Variants in CAMSAP2 observed in about 807,000 individuals in gnomAD.
The protein encoded by CAMSAP2 is calmodulin regulated spectrin associated protein family member 2, also known as calmodulin-regulated spectrin-associated protein 2.
Under a neutral mutation model 146.1 loss-of-function variants are expected in CAMSAP2, and 26 were observed. The ratio of observed to expected loss-of-function variants is 0.18; its 90% CI spans 0.13 to 0.25. CAMSAP2 has a LOEUF of 0.25. Ranked by LOEUF, CAMSAP2 falls within the 10% of genes least tolerant of loss-of-function variation. The probability of loss-of-function intolerance (pLI) is 1.00; values close to 1 mark genes in which losing one functional copy is unlikely to be tolerated. For synonymous variants in CAMSAP2, 499 were observed against 596.6 expected (o/e 0.84, Z 2.38); for missense variants, 1,381 against 1,759.3 (o/e 0.78, Z 3.85).
At chr1:200,822,315 C>CT (rs1666795810) in intron 4 of CAMSAP2, among the ~76,000 whole-genome samples, 1 of 152,092 alleles carries the variant, frequency 6.6e-6, no homozygotes, top group African/African-American at 2.4e-5. Flanking sequence ...CAGTATAATA[C>CT]TGTATCATTT....
At chr1:200,840,438 T>C (rs1469400151) in intron 6 of CAMSAP2, among the ~76,000 whole-genome samples, 1 of 152,064 alleles carries the variant, frequency 6.6e-6, no homozygotes, top group African/African-American at 2.4e-5. Flanking sequence ...CATAGCTAAT[T>C]TTTAAAATTT....
chr1:200,844,074 T>C (rs1667397235), intron 7 of CAMSAP2, among the ~76,000 whole-genome samples: 1 of 151,890 alleles, frequency 6.6e-6, no homozygotes, highest in African/African-American at 2.4e-5. Flanking sequence ...GGTTTCACCA[T>C]GTTAGCCAGG....
chr1:200,834,304 A>G (rs1355529480), intron 6 of CAMSAP2, among the ~76,000 whole-genome samples: 1 of 152,098 alleles, frequency 6.6e-6, no homozygotes, highest in Non-Finnish European at 1.5e-5. Context: ...CAGAGGTTGC[A>G]GTGAGCTGAG....
intron 1 of CAMSAP2, among the ~76,000 whole-genome samples, chr1:200,747,621 G>C (rs1664371487): frequency 6.6e-6 from 1 of 152,180 alleles, no homozygotes; most frequent in Non-Finnish European, 1.5e-5. Context: ...GTTTTGATTT[G>C]ATCAGGGCTG....
At chr1:200,793,840 C>T (rs1665816057) in intron 2 of CAMSAP2, among the ~76,000 whole-genome samples, 1 of 152,120 alleles carries the variant, frequency 6.6e-6, no homozygotes, top group African/African-American at 2.4e-5. Flanking sequence ...CTTATAACCA[C>T]CTGATGACGT....
intron 1 of CAMSAP2, among the ~76,000 whole-genome samples, chr1:200,740,384 A>G (rs1165251442): frequency 6.6e-6 from 1 of 151,828 alleles, no homozygotes; most frequent in East Asian, 1.9e-4. Context: ...GCATAGTACT[A>G]TATTGATTTT....
intron 1 of CAMSAP2, among the ~76,000 whole-genome samples, chr1:200,747,981 C>T (rs1192882830): frequency 1.5e-5 from 2 of 130,218 alleles, no homozygotes; most frequent in South Asian, 5.2e-4. Flanking sequence ...AGCGAGACTC[C>T]GTCTCAAAAA....
At chr1:200,790,957 G>T (rs889832249) in intron 2 of CAMSAP2, among the ~76,000 whole-genome samples, 1 of 152,040 alleles carries the variant, frequency 6.6e-6, no homozygotes, top group Non-Finnish European at 1.5e-5. Flanking sequence ...TGATTCTCCA[G>T]CCTCAGCCTC....
At chr1:200,752,698 A>G (rs1310852822) in intron 1 of CAMSAP2, among the ~76,000 whole-genome samples, 1 of 151,488 alleles carries the variant, frequency 6.6e-6, no homozygotes, top group Non-Finnish European at 1.5e-5. Context: ...GCTCACTGCA[A>G]GCTCCACCTC....
In CAMSAP2 at chr1:200,816,605, A is replaced by AATAT. The variant is rs1185236373; in HGVS notation, c.645+978_645+981dup. ...GCAAAACTTCATCTCAAAAAAAAAAAATATATATATATATATATATGTATA... is the reference window on the plus strand; with the variant it reads ...GCAAAACTTCATCTCAAAAAAAAAAAATATATATATATATATATATATATGTATA... On this transcript the variant is annotated intron_variant, in intron 4 of 16. Transcript: ENST00000358823. Among the ~76,000 whole-genome samples, 141 of 111,216 alleles carry AATAT rather than the reference A, an allele frequency of 1.3e-3. 1 individual carries two copies. The highest frequency in any genetic ancestry group is 0.011 in the East Asian group (42 of 3,952). 73.0% of individuals were successfully genotyped at this position (111,216 alleles called of 152,430 possible). A position where few individuals can be genotyped will look rare whatever the true frequency, so the allele number is the denominator to read the frequency against.
At position 200,742,511 on chromosome 1, in the gene CAMSAP2, T is replaced by G. The variant is rs1664209743; in HGVS notation, c.139+2545T>G. Among the ~76,000 whole-genome samples the G allele has an allele frequency of 3.3e-5, 5 of 152,250 alleles. No individual in the cohort carries two copies. The South Asian group carries it at 1.0e-3, about 32-fold the overall frequency. On this transcript the variant is annotated intron_variant, in intron 1 of 16. Coordinates refer to ENST00000358823, the MANE Select transcript of CAMSAP2 (RefSeq NM_203459.4). The stretch of plus-strand genomic sequence containing the variant: ...TCTTTCAAAACAAATTTATATGGAG[T>G]GAATAGAAAAAAATTAGGAATTTTT...
chr1:200,810,547 G>A (rs1666301643), intron 3 of CAMSAP2, among the ~76,000 whole-genome samples: 1 of 150,108 alleles, frequency 6.7e-6, no homozygotes, highest in African/African-American at 2.5e-5. Context: ...CGGCACTCCA[G>A]CCTGGGTGAC....
At chr1:200,827,324 A>G (rs1296806876) in intron 4 of CAMSAP2, among the ~76,000 whole-genome samples, 1 of 152,240 alleles carries the variant, frequency 6.6e-6, no homozygotes, top group East Asian at 1.9e-4. Context: ...ATAGTCCACA[A>G]TAATTTCTTG....
At chr1:200,847,393 G>T (rs2172666) in intron 9 of CAMSAP2, 101 bp downstream of exon 9, 506,357 of 754,640 alleles carry the variant, frequency 0.67, 152,971 homozygotes, top group Middle Eastern at 0.71. Context: ...GGGTTTTTTT[G>T]TGTGTGTGTG....
At chr1:200,771,650 T>C (rs976566661) in intron 2 of CAMSAP2, among the ~76,000 whole-genome samples, 1 of 152,156 alleles carries the variant, frequency 6.6e-6, no homozygotes, top group African/African-American at 2.4e-5. Flanking sequence ...CTTTTGGCCA[T>C]TGCTGATTGA....
chr1:200,779,057 G>A (rs946967674), intron 2 of CAMSAP2, among the ~76,000 whole-genome samples: 2 of 152,164 alleles, frequency 1.3e-5, no homozygotes, highest in Admixed American at 6.6e-5. Flanking sequence ...GTTAGGGCTG[G>A]AGGAGCTGTG....
intron 7 of CAMSAP2, 64 bp downstream of exon 7, chr1:200,842,151 C>T: frequency 5.1e-6 from 6 of 1,174,870 alleles, no homozygotes; most frequent in Non-Finnish European, 7.5e-6. Context: ...TTGATATAAC[C>T]TTACCTGGTT....
At chr1:200,842,155 C>A in intron 7 of CAMSAP2, 68 bp downstream of exon 7, 1 of 1,134,752 alleles carries the variant, frequency 8.8e-7, no homozygotes, top group Non-Finnish European at 1.3e-6. Context: ...TATAACCTTA[C>A]CTGGTTACAT....
chr1:200,799,412 G>A (rs186629583), intron 2 of CAMSAP2, among the ~76,000 whole-genome samples: 427 of 152,238 alleles, frequency 2.8e-3, no homozygotes, highest in African/African-American at 9.5e-3. Context: ...GGGAGTATGT[G>A]TCCAGGAATT....
Sources: allele counts gnomAD v4.1 joint callset (sites outside exome capture counted in the v4.1 genomes callset), GRCh38; gene constraint gnomAD v4.1.1; transcripts MANE v1.5; gene names NCBI Gene and HGNC (gene_info 2026-07-23, HGNC 2026-07-21).